CANX: variants seen among roughly 807,000 people sequenced by gnomAD.
The protein encoded by CANX is epididymis secretory sperm binding protein.
Under a neutral mutation model 75.7 loss-of-function variants are expected in CANX, and 14 were observed. The observed-to-expected ratio is 0.19, with a 90% CI of 0.12 to 0.29. The LOEUF is 0.29. Ranked by LOEUF, CANX falls within the 10% of genes least tolerant of loss-of-function variation. CANX has a pLI of 1.00. For missense variants in CANX, 567 were observed against 713.2 expected, an observed-to-expected ratio of 0.79 and a Z score of 2.34; for synonymous variants, 227 against 236.9, an observed-to-expected ratio of 0.96 and a Z score of 0.38.
upstream of CANX, among the ~76,000 whole-genome samples, chr5:179,696,416 T>C (rs1208299832): frequency 6.6e-6 from 1 of 151,750 alleles, no homozygotes; most frequent in Non-Finnish European, 1.5e-5. Context: ...TCTGGGACTA[T>C]AGGTGTGCAC....
chr5:179,708,519 G>T, intron 5 of CANX, 139 bp downstream of exon 5: 1 of 599,044 alleles, frequency 1.7e-6, no homozygotes, highest in Non-Finnish European at 2.7e-6. Flanking sequence ...TAAACACCTT[G>T]TAATTAATAG....
intron 1 of CANX, among the ~76,000 whole-genome samples, chr5:179,687,081 GTTTT>G (rs200070657): frequency 1.3e-5 from 2 of 149,868 alleles, no homozygotes; most frequent in Non-Finnish European, 3.0e-5. Context: ...CCGGCCTGCA[GTTTT>G]TTTGTTTGTT....
At position 179,709,966 on chromosome 5, in the gene CANX, A is replaced by G; in HGVS notation, c.622A>G (p.Asn208Asp). 6.2e-7 allele frequency: 1 copy of G among 1,613,344 alleles called. No individual in the cohort carries two copies. Among genetic ancestry groups the G allele is most frequent in the Non-Finnish European group, 8.5e-7 (1 of 1,179,352 alleles). ...ACTGCACTTCATCTTCCGACACAAAAACCCCAAAACGGGTATCTATGAAGA... is the reference window on the plus strand; with the variant it reads ...ACTGCACTTCATCTTCCGACACAAAGACCCCAAAACGGGTATCTATGAAGA... The part of the protein sequence containing the change: ...YKLHFIFRHK[N>D]PKTGIYEEKH... The change falls in exon 7 of 15, where the codon AAC becomes GAC. Residue 208 changes from asparagine to aspartate, a missense_variant. Physicochemically the swap from Asn to Asp is conservative, Grantham distance 23. This residue lies in a region of CANX where 351 missense variants were observed against 433.8 expected (regional missense o/e 0.81). Transcript: ENST00000247461.
At chr5:179,692,705 A>G (rs1214092387) in intron 1 of CANX, among the ~76,000 whole-genome samples, 1 of 151,874 alleles carries the variant, frequency 6.6e-6, no homozygotes, top group Non-Finnish European at 1.5e-5. Flanking sequence ...CTGTACAGAT[A>G]GGGTTTTGCC....
chr5:179,712,784 C>A (rs6885671), intron 7 of CANX, among the ~76,000 whole-genome samples: 13 of 149,586 alleles, frequency 8.7e-5, no homozygotes, highest in Non-Finnish European at 3.0e-5. Context: ...CGTGCAGTGG[C>A]GTGATCTTGG....
intron 2 of CANX, 32 bp from the exon 3 acceptor site, chr5:179,706,226 A>G: frequency 8.0e-7 from 1 of 1,251,002 alleles, no homozygotes. Context: ...CTGAAAATTT[A>G]AATTTTTAAT....
chr5:179,698,309 T>G, upstream of CANX: 15 of 630,240 alleles, frequency 2.4e-5, no homozygotes, highest in South Asian at 3.9e-5. Flanking sequence ...TAACCTCGGA[T>G]TATATTATTC....
chr5:179,716,219 C>T lies in CANX; in HGVS notation c.836C>T (p.Pro279Leu), dbSNP rs769363661. 23 of 1,613,968 alleles carry T rather than the reference C, an allele frequency of 1.4e-5. No individual in the cohort carries two copies. Among genetic ancestry groups the T allele is most frequent in the Non-Finnish European group, 1.8e-5 (21 of 1,179,992 alleles). The change falls in exon 8 of 15, where the codon CCA becomes CTA. Residue 279 changes from proline (P) to leucine (L), a missense_variant. Physicochemically the swap from Pro to Leu is moderately conservative, Grantham distance 98 (BLOSUM62 -3). Around this residue, in one of 3 missense-constraint regions of CANX, gnomAD observed 351 missense variants for 433.8 expected, o/e 0.81. Transcript: ENST00000247461. The stretch of plus-strand genomic sequence containing the variant: ...AATCCTTCACGTGAAATTGAGGACC[C>T]AGAAGACCGGAAGCCCGAGGATTGG... ...PVNPSREIED[P>L]EDRKPEDWDE...
chr5:179,727,821 G>C (rs138707052), intron 14 of CANX, among the ~76,000 whole-genome samples: 3 of 152,270 alleles, frequency 2.0e-5, no homozygotes, highest in East Asian at 3.9e-4. Context: ...CTGGATCTTG[G>C]TTTTGTGGTA....
intron 7 of CANX, among the ~76,000 whole-genome samples, chr5:179,710,721 A>AAAAAAAAAAAAAAAAAAAAAC (rs1777493805): frequency 7.0e-6 from 1 of 143,318 alleles, no homozygotes; most frequent in Non-Finnish European, 1.5e-5. Flanking sequence ...AAAAAAAAAA[A>AAAAAAAAAAAAAAAAAAAAAC]AAGATTGTAT....
At chr5:179,720,304 GA>G (rs1778228927) in intron 9 of CANX, 99 bp from the exon 10 acceptor site, 3 of 794,374 alleles carry the variant, frequency 3.8e-6, no homozygotes, top group Middle Eastern at 2.8e-4. Context: ...GGGATACTGT[GA>G]AAACATTTCA....
intron 1 of CANX, among the ~76,000 whole-genome samples, chr5:179,682,971 G>A (rs1400645650): frequency 1.3e-5 from 2 of 152,140 alleles, no homozygotes; most frequent in South Asian, 2.1e-4. Context: ...AGGAAATGAC[G>A]TCAGTCCTAC....
chr5:179,723,591 GA>G (rs1341419507), intron 11 of CANX, 68 bp from the exon 12 acceptor site: 17 of 1,567,954 alleles, frequency 1.1e-5, no homozygotes, highest in Non-Finnish European at 1.5e-5. Flanking sequence ...CTGAACTGCA[GA>G]AAAACAGCAC....
intron 8 of CANX, among the ~76,000 whole-genome samples, chr5:179,717,607 C>A (rs542214523): frequency 2.6e-5 from 4 of 152,220 alleles, no homozygotes; most frequent in Admixed American, 1.3e-4. Flanking sequence ...TTTTATTTAT[C>A]CATCCTTTGG....
chr5:179,723,294 T>C (rs1778431591), intron 11 of CANX, among the ~76,000 whole-genome samples: 1 of 152,162 alleles, frequency 6.6e-6, no homozygotes, highest in Admixed American at 6.6e-5. Context: ...TAATACACTC[T>C]TATATGTTGA....
At chr5:179,686,841 AG>A (rs1408411540) in intron 1 of CANX, among the ~76,000 whole-genome samples, 104 of 152,174 alleles carry the variant, frequency 6.8e-4, no homozygotes, top group Non-Finnish European at 1.5e-4. Context: ...TGCAATGCAC[AG>A]TCTCGGCCCA....
At chr5:179,687,355 G>A (rs771135265) in intron 1 of CANX, among the ~76,000 whole-genome samples, 14 of 151,748 alleles carry the variant, frequency 9.2e-5, no homozygotes, top group Non-Finnish European at 1.8e-4. Context: ...CACCCGCCTC[G>A]GCCTCCCAAA....
chr5:179,682,884 C>A (rs1469057095), intron 1 of CANX, among the ~76,000 whole-genome samples: 1 of 152,090 alleles, frequency 6.6e-6, no homozygotes, highest in East Asian at 1.9e-4. Context: ...GACCCCAATC[C>A]CTTGAAGACC....
In CANX at chr5:179,731,044, T is replaced by C. The variant is rs1778960814; in HGVS notation, c.*2400T>C. On this transcript the variant is annotated 3_prime_UTR_variant, in exon 15 of 15. Transcript: ENST00000247461. Reference sequence around the variant, plus strand: ...TGAGAGTTCACTACTAGGCAGAAACTATTATGGACAGTGAAATAATGACTT... The same window carrying C: ...TGAGAGTTCACTACTAGGCAGAAACCATTATGGACAGTGAAATAATGACTT... 6.6e-6 allele frequency: 1 copy of C among 152,214 alleles called. No individual in the cohort carries two copies. The highest frequency in any genetic ancestry group is 1.5e-5 in the Non-Finnish European group (1 of 68,038). The allele number at this position is 152,214 out of a possible 1,614,324, so 9.4% of individuals were successfully genotyped here. A position where few individuals can be genotyped will look rare whatever the true frequency, so the allele number is the denominator to read the frequency against.
Sources: allele counts gnomAD v4.1 joint callset (sites outside exome capture counted in the v4.1 genomes callset), GRCh38; gene constraint gnomAD v4.1.1; regional missense constraint gnomAD v4.1.1; transcripts MANE v1.5; gene names NCBI Gene and HGNC (gene_info 2026-07-23, HGNC 2026-07-21).